SLC25A17: variants seen among roughly 807,000 people sequenced by gnomAD.
The protein encoded by SLC25A17 is peroxisomal membrane protein PMP34.
In SLC25A17, 26 loss-of-function variants were observed where a neutral mutation model predicts 38.5. That is an observed-to-expected ratio of 0.68 (90% CI 0.50 to 0.94). SLC25A17 has a LOEUF of 0.94. SLC25A17 is among the 40% of genes least tolerant of loss of function. The pLI is 0.00. For missense variants in SLC25A17, 333 were observed against 372.7 expected, an observed-to-expected ratio of 0.89 and a Z score of 0.88; for synonymous variants, 139 against 136.2, an observed-to-expected ratio of 1.02 and a Z score of -0.14.
At chr22:40,814,790 T>TATATATATATATATATA (rs56313372) in intron 1 of SLC25A17, among the ~76,000 whole-genome samples, 8 of 119,014 alleles carry the variant, frequency 6.7e-5, no homozygotes, top group African/African-American at 2.0e-4. Context: ...TATATATATA[T>TATATATATATATATATA]TGTTGTTGTT....
At chr22:40,802,185 C>A (rs2145691777) in intron 1 of SLC25A17, among the ~76,000 whole-genome samples, 1 of 152,268 alleles carries the variant, frequency 6.6e-6, no homozygotes, top group African/African-American at 2.4e-5. Flanking sequence ...CACTGGGCCA[C>A]CTTCATCCCT....
At chr22:40,777,180 G>A (rs992135388) in intron 6 of SLC25A17, 45 bp from the exon 7 acceptor site, 6 of 1,613,466 alleles carry the variant, frequency 3.7e-6, no homozygotes, top group South Asian at 1.1e-5. Flanking sequence ...AAGTCAACAA[G>A]AAGGTGTCAG....
At chr22:40,813,275 C>G (rs1174490318) in intron 1 of SLC25A17, among the ~76,000 whole-genome samples, 1 of 152,194 alleles carries the variant, frequency 6.6e-6, no homozygotes, top group Admixed American at 6.5e-5. Flanking sequence ...TGGTGGCTCA[C>G]ACCTGCAATC....
At chr22:40,808,971 A>T (rs2046236856) in intron 1 of SLC25A17, among the ~76,000 whole-genome samples, 1 of 152,248 alleles carries the variant, frequency 6.6e-6, no homozygotes, top group Non-Finnish European at 1.5e-5. Flanking sequence ...AGATAAAAGG[A>T]TCCAGCTATC....
At chr22:40,774,683 T>C (rs1340695380) in intron 7 of SLC25A17, among the ~76,000 whole-genome samples, 1 of 152,228 alleles carries the variant, frequency 6.6e-6, no homozygotes, top group East Asian at 1.9e-4. Context: ...AAATGAATCA[T>C]TTAGAACATC....
intron 4 of SLC25A17, among the ~76,000 whole-genome samples, chr22:40,782,504 C>T (rs1473145116): frequency 6.6e-6 from 1 of 152,184 alleles, no homozygotes; most frequent in African/African-American, 2.4e-5. Flanking sequence ...CAGCTATTTA[C>T]TCCTGAAATC....
chr22:40,787,739 G>GACA lies in SLC25A17; in HGVS notation c.334+4783_334+4785dup, dbSNP rs573166990. On this transcript the variant is annotated intron_variant, in intron 4 of 8. Coordinates refer to ENST00000435456, the MANE Select transcript of SLC25A17 (RefSeq NM_006358.4). ...GAAAAACACTTATTTTACTGTCTTC[G>GACA]ACAACAACAACAACAACAACAAAGA... Among the ~76,000 whole-genome samples the GACA allele has an allele frequency of 4.1e-3, 614 of 150,640 alleles. 4 individuals carry two copies. Among genetic ancestry groups the GACA allele is most frequent in the African/African-American group, 0.014 (571 of 40,904 alleles).
At chr22:40,775,067 T>G (rs770192390) in intron 7 of SLC25A17, among the ~76,000 whole-genome samples, 1 of 152,130 alleles carries the variant, frequency 6.6e-6, no homozygotes, top group Non-Finnish European at 1.5e-5. Context: ...CACCACATAA[T>G]AGCCACAACA....
intron 4 of SLC25A17, 33 bp downstream of exon 4, chr22:40,792,492 T>G (rs770362623): frequency 1.3e-6 from 2 of 1,546,392 alleles, no homozygotes; most frequent in Non-Finnish European, 1.7e-6. Context: ...AAGGTAAATA[T>G]AAAAACATTT....
At chr22:40,785,847 G>C (rs909995000) in intron 4 of SLC25A17, among the ~76,000 whole-genome samples, 3 of 151,914 alleles carry the variant, frequency 2.0e-5, no homozygotes, top group Non-Finnish European at 4.4e-5. Flanking sequence ...TGGTGCCCAG[G>C]CTGTCTTAAA....
In SLC25A17 at chr22:40,789,043, T is replaced by C; in HGVS notation, c.334+3482A>G. On this transcript the variant is annotated intron_variant, in intron 4 of 8. Coordinates refer to ENST00000435456, the MANE Select transcript of SLC25A17 (RefSeq NM_006358.4). This position sits in a 1 kb window ranked among gnomAD's most constrained non-coding sequence, Gnocchi z 4.5. ...CTTCTTCGTATTCTCATAGTATGGG[T>C]TCCATCCTATGCTCACCACCATCTT... The C allele has an allele frequency of 3.3e-6, 1 of 299,064 alleles. No individual in the cohort carries two copies. The allele number at this position is 299,064 out of a possible 1,614,324, so 18.5% of individuals were successfully genotyped here.
At chr22:40,805,603 C>T (rs1569411680) in intron 1 of SLC25A17, among the ~76,000 whole-genome samples, 1 of 152,078 alleles carries the variant, frequency 6.6e-6, no homozygotes, top group South Asian at 2.1e-4. Context: ...ATAAAATATA[C>T]TAACACTAAT....
chr22:40,792,234 G>C (rs1249609495), intron 4 of SLC25A17, among the ~76,000 whole-genome samples: 1 of 87,078 alleles, frequency 1.1e-5, no homozygotes, highest in Admixed American at 1.5e-4. Flanking sequence ...AAGGGGCTCA[G>C]GGAAAGGGAA....
At position 40,769,663 on chromosome 22, in the gene SLC25A17, C is replaced by T. The variant is rs1461993009; in HGVS notation, c.*1171G>A. 6.6e-6 allele frequency: 1 copy of T among 152,222 alleles called. No homozygotes were observed. Among genetic ancestry groups the T allele is most frequent in the African/African-American group, 2.4e-5 (1 of 41,462 alleles). The allele number at this position is 152,222 out of a possible 1,614,324, so 9.4% of individuals were successfully genotyped here. On this transcript the variant is annotated 3_prime_UTR_variant, in exon 9 of 9. Transcript: ENST00000435456. ...AGAGGTTGTTTTAATACATTAATCT[C>T]TTTCCTTTGAGAAAAATCTTTATCT...
intron 4 of SLC25A17, chr22:40,779,664 C>T (rs1359372959): frequency 6.1e-6 from 1 of 162,818 alleles, no homozygotes; most frequent in African/African-American, 2.4e-5. Context: ...TGAAGAGTTC[C>T]TCCTTGCTGA....
intron 1 of SLC25A17, among the ~76,000 whole-genome samples, chr22:40,811,578 A>G (rs1455483778): frequency 6.6e-6 from 1 of 151,946 alleles, no homozygotes; most frequent in African/African-American, 2.4e-5. Flanking sequence ...TACAGGTATG[A>G]GCCAGCACAG....
Position 40,770,850 on chromosome 22 carries a change from C to T in SLC25A17, c.908G>A (p.Arg303His), listed in dbSNP as rs563915950. 27 of 1,610,398 alleles carry T rather than the reference C, an allele frequency of 1.7e-5. No individual in the cohort carries two copies. In the East Asian group the frequency reaches 2.0e-4, roughly 12 times the overall value. ...AATFTVMGLK[R>H]AHQH ...GAAGGCGTCTCAGTGTTGGTGTGCA[C>T]GCTTCAGCCCCATAACTGTGAAGGT... Residue 303 changes from arginine to histidine, a missense_variant, in exon 9 of 9, where the codon CGT (arginine) becomes CAT (histidine). By Grantham distance (29) the Arg-to-His change is conservative. Coordinates refer to ENST00000435456, the MANE Select transcript of SLC25A17 (RefSeq NM_006358.4).
chr22:40,781,500 C>T (rs1015436373), intron 4 of SLC25A17, among the ~76,000 whole-genome samples: 1 of 152,102 alleles, frequency 6.6e-6, no homozygotes, highest in African/African-American at 2.4e-5. Context: ...CCGCCTCGGC[C>T]TCTCAAAGTG....
chr22:40,801,276 A>C (rs1602617968), intron 1 of SLC25A17, among the ~76,000 whole-genome samples: 3 of 151,480 alleles, frequency 2.0e-5, no homozygotes, highest in Admixed American at 2.0e-4. Context: ...ATACTCTAAT[A>C]TTTGTATTCT....
Sources: allele counts gnomAD v4.1 joint callset (sites outside exome capture counted in the v4.1 genomes callset), GRCh38; gene constraint gnomAD v4.1.1; non-coding constraint Gnocchi (gnomAD v3.1); transcripts MANE v1.5; gene names NCBI Gene and HGNC (gene_info 2026-07-23, HGNC 2026-07-21).